Variants in SMIM23 observed in about 807,000 individuals in gnomAD.
SMIM23 encodes small integral membrane protein 23.
Under a neutral mutation model 12.8 loss-of-function variants are expected in SMIM23, and 10 were observed. That is an observed-to-expected ratio of 0.78 (90% CI 0.48 to 1.32). The LOEUF is 1.32. Ranked by LOEUF, SMIM23 falls within the 40% of genes most tolerant of loss-of-function variation. The pLI is 0.00. For synonymous variants in SMIM23, 78 were observed against 80.1 expected, an observed-to-expected ratio of 0.97 and a Z score of 0.14; for missense variants, 184 against 198.2, an observed-to-expected ratio of 0.93 and a Z score of 0.43.
chr5:171,781,798 G>C (rs529364026), upstream of SMIM23, among the ~76,000 whole-genome samples: 2 of 152,234 alleles, frequency 1.3e-5, no homozygotes, highest in South Asian at 2.1e-4. Flanking sequence ...GGTCGAGTGG[G>C]GACTTCCAGA....
upstream of SMIM23, among the ~76,000 whole-genome samples, chr5:171,783,255 G>T (rs551890176): frequency 6.6e-6 from 1 of 152,240 alleles, no homozygotes; most frequent in Non-Finnish European, 1.5e-5. Flanking sequence ...ATTCATAGGT[G>T]TGATGCAATT....
the SMIM23 span, chr5:171,773,962 A>T: frequency 1.5e-5 from 6 of 399,406 alleles, no homozygotes; most frequent in Admixed American, 3.1e-5. Flanking sequence ...TTGAATGGTG[A>T]GTAGAATTTA....
At position 171,790,379 on chromosome 5, in the gene SMIM23, C is replaced by T. The variant is rs762986041; in HGVS notation, c.157+98C>T. The T allele has an allele frequency of 7.4e-6, 11 of 1,488,182 alleles. No homozygotes were observed. In the Admixed American group the frequency reaches 1.2e-4, roughly 16 times the overall value. The allele number at this position is 1,488,182 out of a possible 1,614,324, so 92.2% of individuals were successfully genotyped here. Reference sequence around the variant, plus strand: ...TGTATGTTAAGGGGACCTCCATAACCCACCTTCTCCCACTGACCCTTCATC... The same window carrying T: ...TGTATGTTAAGGGGACCTCCATAACTCACCTTCTCCCACTGACCCTTCATC... On this transcript the variant is annotated intron_variant, in intron 2 of 3. Transcript: ENST00000523047.
the SMIM23 span, chr5:171,774,231 T>C: frequency 2.8e-6 from 1 of 363,258 alleles, no homozygotes. Context: ...ATCGATGGCA[T>C]GCAGCTCTGT....
upstream of SMIM23, among the ~76,000 whole-genome samples, chr5:171,784,143 A>G (rs1207937950): frequency 6.6e-6 from 1 of 152,242 alleles, no homozygotes; most frequent in African/African-American, 2.4e-5. Flanking sequence ...ATCATTAGCT[A>G]TCAGGGAAAT....
At chr5:171,790,186 T>C in intron 1 of SMIM23, 44 bp from the exon 2 acceptor site, 2 of 1,527,354 alleles carry the variant, frequency 1.3e-6, no homozygotes, top group Non-Finnish European at 1.8e-6. Flanking sequence ...CTGGAGAGAA[T>C]TCATCCTCAT....
chr5:171,774,400 G>C, the SMIM23 span: 1 of 456,306 alleles, frequency 2.2e-6, no homozygotes, highest in Admixed American at 2.3e-5. Flanking sequence ...TACACAGGCA[G>C]TTAGCAGAAA....
rs143770972 is a variant in SMIM23 at position 171,790,700 on chromosome 5, G to A, written c.226-95G>A. The A allele has an allele frequency of 2.8e-4, 407 of 1,445,776 alleles. 1 individual carries two copies. In the African/African-American group the frequency reaches 4.9e-3, roughly 18 times the overall value. The allele number at this position is 1,445,776 out of a possible 1,614,324, so 89.6% of individuals were successfully genotyped here. A position where few individuals can be genotyped will look rare whatever the true frequency, so the allele number is the denominator to read the frequency against. Reference sequence around the variant, plus strand: ...ACTACGAGCACAATGAGTAGCATGTGCAAAGGCCCAGGGATCTTTTTGAAA... The same window carrying A: ...ACTACGAGCACAATGAGTAGCATGTACAAAGGCCCAGGGATCTTTTTGAAA... On this transcript the variant is annotated intron_variant, in intron 3 of 3. Transcript: ENST00000523047.
At chr5:171,775,490 G>A in the SMIM23 span, among the ~76,000 whole-genome samples, 2 of 152,132 alleles carry the variant, frequency 1.3e-5, no homozygotes, top group Admixed American at 1.3e-4. Flanking sequence ...CCTCCCCATC[G>A]CCACAGGAAG....
At chr5:171,774,975 C>T in the SMIM23 span, among the ~76,000 whole-genome samples, 1 of 152,152 alleles carries the variant, frequency 6.6e-6, no homozygotes, top group East Asian at 1.9e-4. Flanking sequence ...GGATGCCGGG[C>T]CTCTGGTGGT....
intron 1 of SMIM23, among the ~76,000 whole-genome samples, chr5:171,787,938 T>A (rs1032130651): frequency 2.0e-5 from 3 of 152,184 alleles, no homozygotes; most frequent in Non-Finnish European, 2.9e-5. Flanking sequence ...ATGTAACATT[T>A]TTTTTTTAAG....
chr5:171,785,774 C>T (rs145416245), upstream of SMIM23: 226 of 947,454 alleles, frequency 2.4e-4, no homozygotes, highest in Non-Finnish European at 3.2e-4. Context: ...CATCAGAACT[C>T]AATGTTTGCA....
the SMIM23 span, among the ~76,000 whole-genome samples, chr5:171,776,475 C>T: frequency 6.6e-6 from 1 of 152,184 alleles, no homozygotes; most frequent in African/African-American, 2.4e-5. Flanking sequence ...CTGCCAAAAA[C>T]CCCGCGTTCA....
the SMIM23 span, chr5:171,774,223 C>A: frequency 2.8e-6 from 1 of 361,010 alleles, no homozygotes; most frequent in African/African-American, 2.1e-5. Context: ...GAGCAGGGAT[C>A]GATGGCATGC....
At chr5:171,789,041 T>C (rs1387097188) in intron 1 of SMIM23, among the ~76,000 whole-genome samples, 2 of 152,264 alleles carry the variant, frequency 1.3e-5, no homozygotes, top group Non-Finnish European at 2.9e-5. Flanking sequence ...GGTTTCGCCA[T>C]GTTGGCCAGG....
chr5:171,776,314 AG>A, the SMIM23 span, among the ~76,000 whole-genome samples: 1 of 152,220 alleles, frequency 6.6e-6, no homozygotes, highest in Admixed American at 6.5e-5. Context: ...CAGGCTCTGC[AG>A]CCCAAGCCCC....
the SMIM23 span, among the ~76,000 whole-genome samples, chr5:171,772,726 G>A: frequency 2.0e-5 from 3 of 152,148 alleles, no homozygotes; most frequent in South Asian, 2.1e-4. Flanking sequence ...CGACTTGAAC[G>A]TCTATGTATT....
chr5:171,774,787 A>T, the SMIM23 span: 1 of 361,806 alleles, frequency 2.8e-6, no homozygotes, highest in Non-Finnish European at 5.5e-6. Flanking sequence ...GAAACTCAAA[A>T]CAGCTTAAGA....
At chr5:171,790,572 G>A (rs1362520975) in intron 3 of SMIM23, 23 bp downstream of exon 3, 10 of 1,534,350 alleles carry the variant, frequency 6.5e-6, no homozygotes, top group Non-Finnish European at 8.7e-6. Context: ...GCAAGGTACT[G>A]AGGTGAGGCA....
Sources: allele counts gnomAD v4.1 joint callset (sites outside exome capture counted in the v4.1 genomes callset), GRCh38; gene constraint gnomAD v4.1.1; transcripts MANE v1.5; gene names NCBI Gene and HGNC (gene_info 2026-07-23, HGNC 2026-07-21).